Variants in SLC2A12 observed in about 807,000 individuals in gnomAD.
SLC2A12 encodes the protein solute carrier family 2, facilitated glucose transporter member 12.
SLC2A12 carries 23 observed loss-of-function variants against 41.8 expected under a neutral mutation model. The observed-to-expected ratio is 0.55, with a 90% CI of 0.40 to 0.78. SLC2A12 has a LOEUF of 0.78. SLC2A12 is among the 30% of genes least tolerant of loss of function. The pLI is 0.00. For synonymous variants in SLC2A12, 295 were observed against 285.9 expected (o/e 1.03, Z -0.32); for missense variants, 654 against 745.6 (o/e 0.88, Z 1.43).
chr6:133,999,615 A>C (rs1051857282), intron 4 of SLC2A12, among the ~76,000 whole-genome samples: 1 of 152,178 alleles, frequency 6.6e-6, no homozygotes. Flanking sequence ...ATGAGAAGCC[A>C]CTGGGGAGGA....
At position 133,987,995 on chromosome 6, in the gene SLC2A12, G is replaced by A. The variant is rs1776562770; in HGVS notation, c.*3160C>T. The stretch of plus-strand genomic sequence containing the variant: ...CACCTGTAGTTGTAGAGAAGTGATT[G>A]AGGTTCTTGACTTTAATCTTGGGTT... On this transcript the variant is annotated 3_prime_UTR_variant, in exon 5 of 5. Coordinates refer to ENST00000275230, the MANE Select transcript of SLC2A12 (RefSeq NM_145176.3). 1 of 152,084 alleles carries A rather than the reference G, an allele frequency of 6.6e-6. No homozygotes were observed. The highest frequency in any genetic ancestry group is 2.4e-5 in the African/African-American group (1 of 41,414). The allele number at this position is 152,084 out of a possible 1,614,324, so 9.4% of individuals were successfully genotyped here. A position where few individuals can be genotyped will look rare whatever the true frequency, so the allele number is the denominator to read the frequency against.
intron 1 of SLC2A12, among the ~76,000 whole-genome samples, chr6:134,030,529 C>G (rs1777189891): frequency 6.6e-6 from 1 of 152,070 alleles, no homozygotes; most frequent in African/African-American, 2.4e-5. Context: ...AAGTTAGTAA[C>G]TATTAATTTT....
intron 4 of SLC2A12, among the ~76,000 whole-genome samples, chr6:133,993,093 T>C (rs1024898196): frequency 6.6e-6 from 1 of 152,174 alleles, no homozygotes; most frequent in Non-Finnish European, 1.5e-5. Flanking sequence ...ACTGTTGGCT[T>C]CTTTTCAGTC....
Position 134,006,820 on chromosome 6 carries a change from G to A in SLC2A12, c.1559C>T (p.Thr520Ile). ...AAACAAAGACTTCTTACCAGTTACAGTCAAAAATGTCAGCGAGATGAGGAG... is the reference window on the plus strand; with the variant it reads ...AAACAAAGACTTCTTACCAGTTACAATCAAAAATGTCAGCGAGATGAGGAG... ...INLLISLTFLTVTDLIGLPWV... is the reference protein window; with the variant it reads ...INLLISLTFLIVTDLIGLPWV... Residue 520 changes from threonine (T) to isoleucine (I), a missense_variant, in exon 3 of 5, where the codon ACT becomes ATT. Physicochemically the swap from Thr to Ile is moderately conservative, Grantham distance 89. Around this residue, in one of 3 missense-constraint regions of SLC2A12, gnomAD observed 134 missense variants for 180.5 expected, o/e 0.74. Coordinates refer to ENST00000275230, the MANE Select transcript of SLC2A12 (RefSeq NM_145176.3). 1 of 1,614,036 alleles carries A rather than the reference G, an allele frequency of 6.2e-7. No homozygotes were observed. Among genetic ancestry groups the A allele is most frequent in the South Asian group, 1.1e-5 (1 of 91,054 alleles).
At chr6:134,021,529 C>G (rs1258419444) in intron 2 of SLC2A12, among the ~76,000 whole-genome samples, 1 of 152,206 alleles carries the variant, frequency 6.6e-6, no homozygotes, top group African/African-American at 2.4e-5. Context: ...TTATATCATA[C>G]TCTCATACTT....
At chr6:134,032,426 T>TATATATATATATA (rs1777223371) in intron 1 of SLC2A12, among the ~76,000 whole-genome samples, 4 of 35,506 alleles carry the variant, frequency 1.1e-4, no homozygotes, top group African/African-American at 4.9e-4. Flanking sequence ...ATATATATAT[T>TATATATATATATA]TATATATATA....
intron 4 of SLC2A12, 46 bp from the exon 5 acceptor site, chr6:133,991,354 A>G (rs1776621484): frequency 1.3e-6 from 2 of 1,587,612 alleles, no homozygotes; most frequent in Admixed American, 1.8e-5. Flanking sequence ...CTTAGTTTAC[A>G]TGAAAAAAAT....
chr6:133,997,246 G>A lies in SLC2A12; in HGVS notation c.1700+4751C>T, dbSNP rs1025525787. ...CACTCCAGCCTAGGGGCAACAGAGC[G>A]AGACTCCATCTCAAAAAAAAGTTAA... On this transcript the variant is annotated intron_variant, in intron 4 of 4. Coordinates refer to ENST00000275230, the MANE Select transcript of SLC2A12 (RefSeq NM_145176.3). 1.1e-3 allele frequency among the ~76,000 whole-genome samples: 160 copies of A among 152,172 alleles called. 4 individuals are homozygous for A. Among genetic ancestry groups the A allele is most frequent in the Admixed American group, 9.9e-3 (152 of 15,292 alleles).
chr6:133,991,377 A>G, intron 4 of SLC2A12, 69 bp from the exon 5 acceptor site: 1 of 1,538,704 alleles, frequency 6.5e-7, no homozygotes, highest in Non-Finnish European at 8.8e-7. Context: ...GTAGGCTATT[A>G]TTTTTTAAAC....
At chr6:134,051,596 A>T (rs2114522411) in intron 1 of SLC2A12, among the ~76,000 whole-genome samples, 1 of 152,338 alleles carries the variant, frequency 6.6e-6, no homozygotes, top group African/African-American at 2.4e-5. Context: ...AATGAGCAGG[A>T]AGAGGCAGCA....
chr6:134,029,024 A>G lies in SLC2A12; in HGVS notation c.801T>C (p.Asp267=). The change falls in exon 2 of 5, where the codon GAT becomes GAC. Residue 267 remains aspartate, a synonymous_variant. Transcript: ENST00000275230. ...LKDEYQYSFW[D]LFRSKDNMRT... ...GCATGTTGTCTTTTGAACGAAACAG[A>G]TCCCAAAAACTGTACTGATATTCAT... 2 of 1,614,234 alleles carry G rather than the reference A, an allele frequency of 1.2e-6. No individual in the cohort carries two copies. Among genetic ancestry groups the G allele is most frequent in the Non-Finnish European group, 1.7e-6 (2 of 1,180,042 alleles).
intron 1 of SLC2A12, among the ~76,000 whole-genome samples, chr6:134,035,166 A>C (rs1777277957): frequency 7.2e-6 from 1 of 138,534 alleles, no homozygotes; most frequent in East Asian, 1.9e-4. Flanking sequence ...AAAAAAAAAA[A>C]AAAAAAAACT....
chr6:134,046,139 TACTC>T (rs1183805073), intron 1 of SLC2A12, among the ~76,000 whole-genome samples: 5 of 152,344 alleles, frequency 3.3e-5, no homozygotes, highest in Non-Finnish European at 7.3e-5. Context: ...TAATTAGTAT[TACTC>T]ATAACTCCCA....
chr6:134,044,216 C>T (rs749983426), intron 1 of SLC2A12, among the ~76,000 whole-genome samples: 8 of 152,154 alleles, frequency 5.3e-5, no homozygotes, highest in Non-Finnish European at 1.2e-4. Flanking sequence ...CAAGCCATCT[C>T]CTCCATCAAA....
At chr6:134,019,657 C>T (rs1777015300) in intron 2 of SLC2A12, among the ~76,000 whole-genome samples, 1 of 152,144 alleles carries the variant, frequency 6.6e-6, no homozygotes, top group Non-Finnish European at 1.5e-5. Context: ...TCTCTGGGGC[C>T]ATGAACCTCT....
intron 2 of SLC2A12, among the ~76,000 whole-genome samples, chr6:134,027,147 G>A (rs1777124836): frequency 6.6e-6 from 1 of 152,118 alleles, no homozygotes; most frequent in Non-Finnish European, 1.5e-5. Context: ...GTCTGTCTTG[G>A]TCATTATCCT....
chr6:134,004,989 C>T (rs74845160), intron 3 of SLC2A12, among the ~76,000 whole-genome samples: 1 of 152,300 alleles, frequency 6.6e-6, no homozygotes, highest in Admixed American at 6.5e-5. Flanking sequence ...TAAATCTCCT[C>T]AAGCCTCTAT....
intron 4 of SLC2A12, among the ~76,000 whole-genome samples, chr6:133,992,948 A>C (rs1776642417): frequency 6.6e-6 from 1 of 152,056 alleles, no homozygotes; most frequent in African/African-American, 2.4e-5. Flanking sequence ...TCTTCACTTC[A>C]CTTCCATTTT....
chr6:134,027,758 T>C (rs896098966), intron 2 of SLC2A12, among the ~76,000 whole-genome samples: 8 of 152,210 alleles, frequency 5.3e-5, no homozygotes, highest in Non-Finnish European at 8.8e-5. Flanking sequence ...AGACTAGTTA[T>C]ATAAAATAAA....
Sources: allele counts gnomAD v4.1 joint callset (sites outside exome capture counted in the v4.1 genomes callset), GRCh38; gene constraint gnomAD v4.1.1; regional missense constraint gnomAD v4.1.1; transcripts MANE v1.5; gene names NCBI Gene and HGNC (gene_info 2026-07-23, HGNC 2026-07-21).